EXD3: variants seen among roughly 807,000 people sequenced by gnomAD.
EXD3 encodes exonuclease mut-7 homolog.
Under a neutral mutation model 98.0 loss-of-function variants are expected in EXD3, and 92 were observed. The ratio of observed to expected loss-of-function variants is 0.94; its 90% CI spans 0.79 to 1.12. The LOEUF (loss-of-function observed/expected upper bound fraction) is 1.12. Ranked by LOEUF, EXD3 falls within the 50% of genes most tolerant of loss-of-function variation. The pLI, the probability that EXD3 is intolerant of heterozygous loss-of-function variation, is 0.00. For synonymous variants in EXD3, 569 were observed against 526.0 expected, an observed-to-expected ratio of 1.08 and a Z score of -1.12; for missense variants, 1,222 against 1,191.6, an observed-to-expected ratio of 1.03 and a Z score of -0.38.
At chr9:137,370,118 G>C (rs566954147) in intron 5 of EXD3, among the ~76,000 whole-genome samples, 1 of 152,196 alleles carries the variant, frequency 6.6e-6, no homozygotes, top group Non-Finnish European at 1.5e-5. Context: ...TGACAGGGGT[G>C]GGGGGCTGGG....
intron 5 of EXD3, among the ~76,000 whole-genome samples, chr9:137,370,947 C>T (rs996074166): frequency 7.2e-5 from 11 of 152,338 alleles, no homozygotes; most frequent in Admixed American, 3.3e-4. Flanking sequence ...CACATTGAGT[C>T]GTGAGTCCCA....
At chr9:137,392,875 A>C in intron 2 of EXD3, 1 of 149,078 alleles carries the variant, frequency 6.7e-6, no homozygotes, top group Non-Finnish European at 1.2e-5. Context: ...TGTTCCAGGG[A>C]GGACCATTAG....
At chr9:137,325,783 C>T (rs1181586627) in intron 17 of EXD3, among the ~76,000 whole-genome samples, 1 of 152,040 alleles carries the variant, frequency 6.6e-6, no homozygotes, top group Non-Finnish European at 1.5e-5. Context: ...AACATCAGAG[C>T]TAATACTATA....
intron 17 of EXD3, among the ~76,000 whole-genome samples, chr9:137,333,811 C>T (rs1404692060): frequency 1.3e-5 from 2 of 152,020 alleles, no homozygotes; most frequent in Non-Finnish European, 2.9e-5. Context: ...TTATAAGTTA[C>T]CCAGTCCCAG....
chr9:137,351,227 C>G, intron 13 of EXD3, 80 bp from the exon 14 acceptor site: 2 of 1,535,378 alleles, frequency 1.3e-6, no homozygotes, highest in Non-Finnish European at 1.8e-6. Context: ...GCACCCAGCA[C>G]CCTCCCCGGG....
Position 137,395,193 on chromosome 9 carries a change from G to A in EXD3, c.55+110C>T, listed in dbSNP as rs1260967719. ...AGAGGCCCGCAGCTAGGGGCCAGCAGCCTGGCCCTCGTCACTGAGTACACA... is the reference window on the plus strand; with the variant it reads ...AGAGGCCCGCAGCTAGGGGCCAGCAACCTGGCCCTCGTCACTGAGTACACA... On this transcript the variant is annotated intron_variant, in intron 2 of 21. Coordinates refer to ENST00000340951, the MANE Select transcript of EXD3 (RefSeq NM_017820.5). This position sits in a 1 kb window ranked among gnomAD's most constrained non-coding sequence, Gnocchi z 6.5. The A allele has an allele frequency of 9.8e-7, 1 of 1,016,440 alleles. No individual in the cohort carries two copies. The highest frequency in any genetic ancestry group is 1.6e-5 in the African/African-American group (1 of 63,454). The allele number at this position is 1,016,440 out of a possible 1,614,324, so 63.0% of individuals were successfully genotyped here.
chr9:137,357,684 G>A (rs1564511112), intron 7 of EXD3, among the ~76,000 whole-genome samples: 1 of 149,442 alleles, frequency 6.7e-6, no homozygotes. Flanking sequence ...TTCTCTAGAG[G>A]GACAGAACTC....
chr9:137,337,511 T>C (rs1332190064), intron 17 of EXD3, among the ~76,000 whole-genome samples: 9 of 151,648 alleles, frequency 5.9e-5, no homozygotes, highest in Non-Finnish European at 1.0e-4. Flanking sequence ...ATTAGCCGGG[T>C]GTGGTGGCGG....
At chr9:137,392,884 A>T in intron 2 of EXD3, 1 of 344,348 alleles carries the variant, frequency 2.9e-6, no homozygotes, top group Non-Finnish European at 5.4e-6. Context: ...GAGGACCATT[A>T]GTGTTCCAGC....
chr9:137,414,787 C>T (rs145480780), intron 1 of EXD3, among the ~76,000 whole-genome samples: 50 of 152,254 alleles, frequency 3.3e-4, no homozygotes, highest in Admixed American at 9.2e-4. Flanking sequence ...GGTCCCACAC[C>T]GCCACTCCAG....
chr9:137,416,818 T>C (rs1838253499), intron 1 of EXD3, among the ~76,000 whole-genome samples: 1 of 149,888 alleles, frequency 6.7e-6, no homozygotes, highest in South Asian at 2.1e-4. Flanking sequence ...CTCGCAGGGG[T>C]GCTCTTGGAG....
rs570578198 is a variant in EXD3 at position 137,395,226 on chromosome 9, C to T, written c.55+77G>A. The T allele has an allele frequency of 1.5e-6, 2 of 1,339,976 alleles. No individual in the cohort carries two copies. The highest frequency in any genetic ancestry group is 4.6e-5 in the East Asian group (2 of 43,522). The allele number at this position is 1,339,976 out of a possible 1,614,324, so 83.0% of individuals were successfully genotyped here. On this transcript the variant is annotated intron_variant, in intron 2 of 21. Coordinates refer to ENST00000340951, the MANE Select transcript of EXD3 (RefSeq NM_017820.5). The surrounding 1 kb of genome is among the most constrained non-coding windows in gnomAD (Gnocchi z 6.5). ...CTCGTCACTGAGTACACAGTGGGCG[C>T]CACCACCCCCCATGCACACCCACGC...
chr9:137,418,667 G>A (rs1838357512), intron 1 of EXD3, among the ~76,000 whole-genome samples: 1 of 152,064 alleles, frequency 6.6e-6, no homozygotes, highest in Non-Finnish European at 1.5e-5. Flanking sequence ...AAACAATTCT[G>A]TACGTGAGAT....
rs564318599 is a variant in EXD3 at position 137,393,345 on chromosome 9, G to A, written c.55+1958C>T. On this transcript the variant is annotated intron_variant, in intron 2 of 21. Transcript: ENST00000340951. This position sits in a 1 kb window ranked among gnomAD's most constrained non-coding sequence, Gnocchi z 4.6. ...TAACAGGGCCTCATCCCACACAGGT[G>A]CAGGCCCGGGGCCCGCAGATGGCCT... 9 of 676,660 alleles carry A rather than the reference G, an allele frequency of 1.3e-5. No homozygotes were observed. Among genetic ancestry groups the A allele is most frequent in the South Asian group, 1.1e-4 (7 of 64,964 alleles). The allele number at this position is 676,660 out of a possible 1,614,324, so 41.9% of individuals were successfully genotyped here. A position where few individuals can be genotyped will look rare whatever the true frequency, so the allele number is the denominator to read the frequency against.
intron 17 of EXD3, among the ~76,000 whole-genome samples, chr9:137,331,672 T>C (rs1588278200): frequency 6.6e-6 from 1 of 152,056 alleles, no homozygotes; most frequent in East Asian, 1.9e-4. Flanking sequence ...TCCCAGCACT[T>C]TGGGAGGCCC....
In EXD3 at chr9:137,307,587, GT is replaced by G. The variant is rs1238534516; in HGVS notation, c.2317+20del. 6.2e-7 allele frequency: 1 copy of G among 1,608,878 alleles called. No homozygotes were observed. Among genetic ancestry groups the G allele is most frequent in the Non-Finnish European group, 8.5e-7 (1 of 1,179,310 alleles). ...CCGCAGAGAAGCAGCTGTGTCCTTG[GT>G]GGGCGGTCCCGGGGCTCACCTGGCT... On this transcript the variant is annotated intron_variant, in intron 21 of 21. Transcript: ENST00000340951.
At position 137,371,088 on chromosome 9, in the gene EXD3, G is replaced by A. The variant is rs975542868; in HGVS notation, c.462+1817C>T. On this transcript the variant is annotated intron_variant, in intron 5 of 21. Coordinates refer to ENST00000340951, the MANE Select transcript of EXD3 (RefSeq NM_017820.5). This position sits in a 1 kb window ranked among gnomAD's most constrained non-coding sequence, Gnocchi z 8.0. ...CTTTCTTCGCAGAAGGGGCCTGTGCGGGACAAGACCCCCTTTGTGTGGGGA... is the reference window on the plus strand; with the variant it reads ...CTTTCTTCGCAGAAGGGGCCTGTGCAGGACAAGACCCCCTTTGTGTGGGGA... 6.6e-6 allele frequency among the ~76,000 whole-genome samples: 1 copy of A among 152,208 alleles called. No individual in the cohort carries two copies. The highest frequency in any genetic ancestry group is 1.5e-5 in the Non-Finnish European group (1 of 68,026).
Position 137,323,725 on chromosome 9 carries a change from C to G in EXD3, c.2184G>C (p.Gln728His), listed in dbSNP as rs762322841. The G allele has an allele frequency of 6.2e-7, 1 of 1,611,878 alleles. No homozygotes were observed. Among genetic ancestry groups the G allele is most frequent in the Non-Finnish European group, 8.5e-7 (1 of 1,179,472 alleles). ...GTAGGACGGGGTGCGCAGGACCCAC[C>G]TGGCAGCGGCTGAAGATGTCTGCGT... ...VTHADIFSRC[Q>H]ACNCDQYLKV... Residue 728 changes from glutamine (Q) to histidine (H), a missense_variant and splice_region_variant, in exon 19 of 22, where the codon CAG becomes CAC. Gln to His is a conservative substitution (Grantham distance 24). Coordinates refer to ENST00000340951, the MANE Select transcript of EXD3 (RefSeq NM_017820.5).
intron 17 of EXD3, among the ~76,000 whole-genome samples, chr9:137,344,740 T>C (rs548765256): frequency 4.7e-5 from 7 of 149,852 alleles, no homozygotes; most frequent in African/African-American, 1.8e-4. Flanking sequence ...GCTCACATTC[T>C]ATCATAAGCA....
Sources: gnomAD v4.1 joint callset for allele counts (sites outside exome capture counted in the v4.1 genomes callset) on GRCh38, gnomAD v4.1.1 for gene constraint, Gnocchi (gnomAD v3.1) non-coding constraint, MANE v1.5 for transcripts, NCBI Gene and HGNC (gene_info 2026-07-23, HGNC 2026-07-21) for gene names.